SLC9C1: variants seen among roughly 807,000 people sequenced by gnomAD.
SLC9C1 encodes sodium/hydrogen exchanger 10.
In SLC9C1, 97 loss-of-function variants were observed where a neutral mutation model predicts 140.9. The ratio of observed to expected loss-of-function variants is 0.69; its 90% CI spans 0.58 to 0.82. The LOEUF is 0.82. Ranked by LOEUF, SLC9C1 falls within the 40% of genes least tolerant of loss-of-function variation. The probability of loss-of-function intolerance (pLI) is 0.00; values close to 1 mark genes in which losing one functional copy is unlikely to be tolerated. For synonymous variants in SLC9C1, 440 were observed against 442.6 expected (o/e 0.99, Z 0.07); for missense variants, 1,340 against 1,389.3 (o/e 0.96, Z 0.56).
intron 13 of SLC9C1, among the ~76,000 whole-genome samples, chr3:112,227,754 G>C (rs542362591): frequency 6.6e-6 from 1 of 152,186 alleles, no homozygotes; most frequent in East Asian, 1.9e-4. Context: ...AACAAAATTA[G>C]TAGCATTTCT....
chr3:112,219,352 C>T (rs1386890126), intron 14 of SLC9C1, among the ~76,000 whole-genome samples: 1 of 152,136 alleles, frequency 6.6e-6, no homozygotes, highest in African/African-American at 2.4e-5. Context: ...TCTCCAGGGG[C>T]TGGAATACCA....
At chr3:112,234,168 G>A (rs899874964) in intron 12 of SLC9C1, among the ~76,000 whole-genome samples, 2 of 152,040 alleles carry the variant, frequency 1.3e-5, no homozygotes, top group South Asian at 2.1e-4. Flanking sequence ...TTTAATGATC[G>A]CCATCCTAAG....
chr3:112,256,424 G>A (rs1308985440), intron 10 of SLC9C1, among the ~76,000 whole-genome samples: 1 of 152,036 alleles, frequency 6.6e-6, no homozygotes, highest in Non-Finnish European at 1.5e-5. Context: ...TTCAATATAT[G>A]CAAATAAATA....
At chr3:112,151,557 A>G in intron 28 of SLC9C1, 1 of 527,166 alleles carries the variant, frequency 1.9e-6, no homozygotes, top group Non-Finnish European at 3.7e-6. Flanking sequence ...AGTACATGGT[A>G]GCCTGAAAAA....
In SLC9C1 at chr3:112,278,710, A is replaced by G. The variant is rs2080281059; in HGVS notation, c.318+19T>C. 6.3e-7 allele frequency: 1 copy of G among 1,581,926 alleles called. No individual in the cohort carries two copies. Among genetic ancestry groups the G allele is most frequent in the Non-Finnish European group, 8.5e-7 (1 of 1,171,080 alleles). On this transcript the variant is annotated intron_variant, in intron 4 of 28. Coordinates refer to ENST00000305815, the MANE Select transcript of SLC9C1 (RefSeq NM_183061.3). The stretch of plus-strand genomic sequence containing the variant: ...ATGTGGTTCATGAATGAATGATATT[A>G]CCAAAAAAGAATGCTTACCTGCCAA...
rs917744690 is a variant in SLC9C1, at chr3:112,199,379, A to C, written c.2465T>G (p.Leu822Arg). Residue 822 changes from leucine (L) to arginine (R), a missense_variant, in exon 20 of 29, where the codon CTT (leucine) becomes CGT (arginine). Transcript: ENST00000305815. ...NVMLNMATEI[L>R]KAFGLKGIIS... ...AATTCCTTTTAAGCCAAAAGCCTTA[A>C]GAATTTCTGTAGCCATATTGAGCAT... The C allele has an allele frequency of 1.9e-6, 3 of 1,598,722 alleles. No homozygotes were observed. Among genetic ancestry groups the C allele is most frequent in the Non-Finnish European group, 2.6e-6 (3 of 1,173,630 alleles).
chr3:112,274,834 A>T, intron 6 of SLC9C1, 63 bp downstream of exon 6: 4 of 1,348,146 alleles, frequency 3.0e-6, no homozygotes, highest in Non-Finnish European at 3.9e-6. Flanking sequence ...TACAAAATAC[A>T]CATCAGCTTT....
At chr3:112,213,978 T>C (rs1159143149) in intron 15 of SLC9C1, among the ~76,000 whole-genome samples, 1 of 152,128 alleles carries the variant, frequency 6.6e-6, no homozygotes, top group Non-Finnish European at 1.5e-5. Context: ...CCTCAGCAAA[T>C]GTAAAAGAAC....
intron 10 of SLC9C1, among the ~76,000 whole-genome samples, chr3:112,254,185 A>T (rs1307712038): frequency 6.6e-6 from 1 of 152,196 alleles, no homozygotes; most frequent in Admixed American, 6.6e-5. Context: ...TGTTCATGAA[A>T]CTTCTCCAAA....
At chr3:112,227,207 T>A (rs545939442) in intron 13 of SLC9C1, among the ~76,000 whole-genome samples, 1 of 152,098 alleles carries the variant, frequency 6.6e-6, no homozygotes, top group South Asian at 2.1e-4. Flanking sequence ...AAAAAAACAT[T>A]TTTGAAAGGG....
chr3:112,260,340 A>G (rs2079737453), intron 10 of SLC9C1, among the ~76,000 whole-genome samples: 1 of 151,604 alleles, frequency 6.6e-6, no homozygotes, highest in African/African-American at 2.4e-5. Flanking sequence ...CCATATCTTC[A>G]TTTCCTATGT....
intron 18 of SLC9C1, among the ~76,000 whole-genome samples, chr3:112,201,162 CTA>C (rs1393476550): frequency 6.6e-6 from 1 of 151,972 alleles, no homozygotes; most frequent in Non-Finnish European, 1.5e-5. Context: ...TGATTTTAGT[CTA>C]TGTTTTATGA....
At position 112,281,461 on chromosome 3, in the gene SLC9C1, C is replaced by T. The variant is rs867268117; in HGVS notation, c.89-678G>A. ...GCATGGTTGGCTGCAGGTATGTGAT[C>T]CTGGAGGAGCGGGAGTCAAATAGGA... On this transcript the variant is annotated intron_variant, in intron 2 of 28. Coordinates refer to ENST00000305815, the MANE Select transcript of SLC9C1 (RefSeq NM_183061.3). 1.4e-4 allele frequency among the ~76,000 whole-genome samples: 22 copies of T among 152,216 alleles called. No homozygotes were observed. The Middle Eastern group carries it at 0.01, about 71-fold the overall frequency.
intron 12 of SLC9C1, among the ~76,000 whole-genome samples, chr3:112,231,712 CT>C (rs2078835097): frequency 6.6e-6 from 1 of 152,116 alleles, no homozygotes; most frequent in Non-Finnish European, 1.5e-5. Flanking sequence ...TATATCATAT[CT>C]TTACTTTTAC....
At chr3:112,236,708 G>A (rs2078996322) in intron 12 of SLC9C1, among the ~76,000 whole-genome samples, 2 of 152,094 alleles carry the variant, frequency 1.3e-5, no homozygotes, top group Non-Finnish European at 2.9e-5. Flanking sequence ...CTTTATTTCT[G>A]CCTTCATTTT....
At chr3:112,158,903 A>G (rs2075205219) in intron 26 of SLC9C1, among the ~76,000 whole-genome samples, 2 of 151,788 alleles carry the variant, frequency 1.3e-5, no homozygotes, top group South Asian at 2.1e-4. Context: ...TCTGGGGTTT[A>G]TCTCTTTTTC....
Position 112,277,680 on chromosome 3 carries a change from G to T in SLC9C1, c.484+15C>A, listed in dbSNP as rs781634662. 1 of 1,507,406 alleles carries T rather than the reference G, an allele frequency of 6.6e-7. No individual in the cohort carries two copies. The highest frequency in any genetic ancestry group is 1.4e-5 in the South Asian group (1 of 72,240). The allele number at this position is 1,507,406 out of a possible 1,614,324, so 93.4% of individuals were successfully genotyped here. A position where few individuals can be genotyped will look rare whatever the true frequency, so the allele number is the denominator to read the frequency against. Reference sequence around the variant, plus strand: ...ATGATATTATAAATATAGAAAAAGAGAACAATATACCTACCAAGGTCTCTT... The same window carrying T: ...ATGATATTATAAATATAGAAAAAGATAACAATATACCTACCAAGGTCTCTT... On this transcript the variant is annotated intron_variant, in intron 5 of 28. Coordinates refer to ENST00000305815, the MANE Select transcript of SLC9C1 (RefSeq NM_183061.3).
At chr3:112,258,756 A>G (rs34399151) in intron 10 of SLC9C1, among the ~76,000 whole-genome samples, 44,996 of 151,964 alleles carry the variant, frequency 0.3, 7,217 homozygotes, top group East Asian at 0.43. Flanking sequence ...CACCATACCC[A>G]GCCAGACTGG....
At chr3:112,220,553 T>G (rs892261482) in intron 14 of SLC9C1, among the ~76,000 whole-genome samples, 2 of 152,222 alleles carry the variant, frequency 1.3e-5, no homozygotes, top group Non-Finnish European at 2.9e-5. Flanking sequence ...GCAGTTGCAC[T>G]GCAGTTTAAC....
Sources: gnomAD v4.1 joint callset for allele counts (sites outside exome capture counted in the v4.1 genomes callset) on GRCh38, gnomAD v4.1.1 for gene constraint, MANE v1.5 for transcripts, NCBI Gene and HGNC (gene_info 2026-07-23, HGNC 2026-07-21) for gene names.